COL26A1: variants seen among roughly 807,000 people sequenced by gnomAD.
COL26A1 encodes collagen type XXVI alpha 1 chain, also known as collagen alpha-1(XXVI) chain.
COL26A1 carries 41 observed loss-of-function variants against 59.3 expected under a neutral mutation model. The ratio of observed to expected loss-of-function variants is 0.69; its 90% CI spans 0.54 to 0.90. The LOEUF (loss-of-function observed/expected upper bound fraction) is 0.90. Ranked by LOEUF, COL26A1 falls within the 40% of genes least tolerant of loss-of-function variation. The pLI, the probability that COL26A1 is intolerant of heterozygous loss-of-function variation, is 0.00. For missense variants in COL26A1, 612 were observed against 602.3 expected (o/e 1.02, Z -0.17); for synonymous variants, 266 against 256.0 (o/e 1.04, Z -0.37).
rs972936657 is a variant in COL26A1 at position 101,363,161 on chromosome 7, C to G, written c.129C>G (p.Gly43=). 1 of 1,509,292 alleles carries G rather than the reference C, an allele frequency of 6.6e-7. No individual in the cohort carries two copies. 93.5% of individuals were successfully genotyped at this position (1,509,292 alleles called of 1,614,324 possible). ...ACGGCTACCCCGAGCCCGGCGCCGGCTCCCCTGGCAGCGGCTACGCGAGCC... is the reference window on the plus strand; with the variant it reads ...ACGGCTACCCCGAGCCCGGCGCCGGGTCCCCTGGCAGCGGCTACGCGAGCC... ...QQHGYPEPGA[G]SPGSGYASRR... Residue 43 remains glycine (G), a synonymous_variant, in exon 1 of 13, where the codon GGC becomes GGG. Coordinates refer to ENST00000313669, the MANE Select transcript of COL26A1 (RefSeq NM_001278563.3).
chr7:101,418,634 T>A (rs1451097094), intron 1 of COL26A1, among the ~76,000 whole-genome samples: 1 of 151,718 alleles, frequency 6.6e-6, no homozygotes, highest in Non-Finnish European at 1.5e-5. Flanking sequence ...ACAGGTAATT[T>A]TTAAATATTT....
chr7:101,362,854 C>T (rs1213191993), upstream of COL26A1: 4 of 593,188 alleles, frequency 6.7e-6, no homozygotes, highest in South Asian at 8.8e-5. Context: ...TTTGAAAAGG[C>T]GGCCCCGGAG....
chr7:101,408,994 C>T (rs577078431), intron 1 of COL26A1, among the ~76,000 whole-genome samples: 39 of 152,326 alleles, frequency 2.6e-4, no homozygotes, highest in Middle Eastern at 3.4e-3. Context: ...AAGAGTTGCC[C>T]GTTGACTTGT....
At chr7:101,524,463 G>A (rs1012572392) in intron 3 of COL26A1, among the ~76,000 whole-genome samples, 47 of 152,254 alleles carry the variant, frequency 3.1e-4, no homozygotes, top group Non-Finnish European at 3.7e-4. Flanking sequence ...ATGTCCCAGC[G>A]TAACACACCA....
intron 1 of COL26A1, among the ~76,000 whole-genome samples, chr7:101,417,654 A>G (rs1286415105): frequency 2.4e-5 from 1 of 41,174 alleles, no homozygotes; most frequent in Non-Finnish European, 1.1e-4. Context: ...ATATCTAGAC[A>G]TAGATATAGA....
At chr7:101,462,810 G>T (rs1368302423) in intron 3 of COL26A1, among the ~76,000 whole-genome samples, 1 of 151,982 alleles carries the variant, frequency 6.6e-6, no homozygotes, top group East Asian at 1.9e-4. Flanking sequence ...CAGAGAATGG[G>T]GCCCCACGCA....
At chr7:101,426,947 C>G (rs143535202) in intron 2 of COL26A1, among the ~76,000 whole-genome samples, 41 of 152,320 alleles carry the variant, frequency 2.7e-4, no homozygotes, top group Non-Finnish European at 4.4e-4. Flanking sequence ...GTGTGGTACT[C>G]TGTTGCTTAC....
intron 2 of COL26A1, among the ~76,000 whole-genome samples, chr7:101,436,764 G>A (rs1265567643): frequency 6.6e-6 from 1 of 151,076 alleles, no homozygotes; most frequent in African/African-American, 2.4e-5. Flanking sequence ...CCCCCAGGCT[G>A]GAGTGCAGTG....
intron 3 of COL26A1, among the ~76,000 whole-genome samples, chr7:101,483,565 T>C (rs1794200185): frequency 6.6e-6 from 1 of 151,884 alleles, no homozygotes. Flanking sequence ...TATAGTGGAG[T>C]GGCGTGATCA....
intron 11 of COL26A1, among the ~76,000 whole-genome samples, chr7:101,555,431 T>A (rs1373344893): frequency 6.6e-6 from 1 of 152,116 alleles, no homozygotes; most frequent in East Asian, 1.9e-4. Flanking sequence ...GTTAGGGTAT[T>A]TTCAGGACAT....
chr7:101,454,314 G>C (rs558869486), intron 3 of COL26A1, among the ~76,000 whole-genome samples: 1 of 146,536 alleles, frequency 6.8e-6, no homozygotes, highest in Non-Finnish European at 1.5e-5. Context: ...GCTCAGACTG[G>C]AGTGCAATGG....
At chr7:101,483,199 CT>C (rs369605902) in intron 3 of COL26A1, among the ~76,000 whole-genome samples, 340 of 145,494 alleles carry the variant, frequency 2.3e-3, no homozygotes, top group African/African-American at 6.9e-3. Context: ...AAGAAATTAG[CT>C]TTTTTTTTTT....
At chr7:101,547,832 T>C (rs62465107) in intron 8 of COL26A1, among the ~76,000 whole-genome samples, 38 of 61,902 alleles carry the variant, frequency 6.1e-4, no homozygotes, top group Non-Finnish European at 1.1e-3. Context: ...TTCATTCGTT[T>C]ATTCATTCAT....
chr7:101,458,804 CTTTTT>C (rs35208249), intron 3 of COL26A1, among the ~76,000 whole-genome samples: 4 of 140,452 alleles, frequency 2.8e-5, no homozygotes, highest in African/African-American at 1.1e-4. Flanking sequence ...AAACCTGGGT[CTTTTT>C]TTTTTTTTTG....
chr7:101,502,594 C>T lies in COL26A1; in HGVS notation c.386-30488C>T, dbSNP rs553258098. On this transcript the variant is annotated intron_variant, in intron 3 of 12. Transcript: ENST00000313669. ...GCAGGTGCTGTGGAGAACACAGGAC[C>T]GGGGCCGGAGTTGGGCTGGAGCTGG... Among the ~76,000 whole-genome samples the T allele has an allele frequency of 2.9e-3, 448 of 152,164 alleles. 1 individual carries two copies. Among genetic ancestry groups the T allele is most frequent in the Middle Eastern group, 0.01 (3 of 294 alleles).
intron 3 of COL26A1, among the ~76,000 whole-genome samples, chr7:101,491,036 G>A (rs1345702561): frequency 6.7e-6 from 1 of 149,884 alleles, no homozygotes; most frequent in Non-Finnish European, 1.5e-5. Context: ...TGTATTCCCA[G>A]CTACTCAGGA....
At chr7:101,454,798 T>C (rs1793430977) in intron 3 of COL26A1, among the ~76,000 whole-genome samples, 1 of 152,134 alleles carries the variant, frequency 6.6e-6, no homozygotes, top group Non-Finnish European at 1.5e-5. Flanking sequence ...CTACAGTAAA[T>C]ATGTTAAAAG....
At chr7:101,556,564 T>C (rs11982657) in intron 12 of COL26A1, among the ~76,000 whole-genome samples, 29,296 of 151,654 alleles carry the variant, frequency 0.19, 3,134 homozygotes, top group African/African-American at 0.28. Flanking sequence ...GATGCATGGA[T>C]GAATAAATGA....
At chr7:101,438,209 A>C (rs944768065) in intron 2 of COL26A1, among the ~76,000 whole-genome samples, 1 of 151,324 alleles carries the variant, frequency 6.6e-6, no homozygotes, top group Non-Finnish European at 1.5e-5. Context: ...TAAAAATACA[A>C]AATTAGCCAG....
Sources: allele counts gnomAD v4.1 joint callset (sites outside exome capture counted in the v4.1 genomes callset), GRCh38; gene constraint gnomAD v4.1.1; transcripts MANE v1.5; gene names NCBI Gene and HGNC (gene_info 2026-07-23, HGNC 2026-07-21).